The following CA10 variants were observed in gnomAD, a reference collection of about 807,000 sequenced individuals.
The protein encoded by CA10 is carbonic anhydrase 10 (inactive).
A neutral mutation model predicts 44.2 loss-of-function variants in CA10; 14 were observed. That is an observed-to-expected ratio of 0.32 (90% CI 0.21 to 0.50). The LOEUF is 0.50. CA10 is among the 20% of genes least tolerant of loss of function. The pLI, the probability that CA10 is intolerant of heterozygous loss-of-function variation, is 0.99. For missense variants in CA10, 350 were observed against 409.7 expected, an observed-to-expected ratio of 0.85 and a Z score of 1.26; for synonymous variants, 159 against 141.6, an observed-to-expected ratio of 1.12 and a Z score of -0.87.
intron 2 of CA10, among the ~76,000 whole-genome samples, chr17:51,956,869 A>G (rs1983686908): frequency 6.6e-6 from 1 of 152,082 alleles, no homozygotes; most frequent in East Asian, 1.9e-4. Flanking sequence ...GGAACTACAC[A>G]TGCTACAGGG....
chr17:52,105,535 C>A (rs1988643850), intron 1 of CA10, among the ~76,000 whole-genome samples: 1 of 152,218 alleles, frequency 6.6e-6, no homozygotes, highest in African/African-American at 2.4e-5. Context: ...AGCCACCACA[C>A]CTGGCCTCAA....
chr17:51,656,035 G>A (rs1011546879), intron 4 of CA10, among the ~76,000 whole-genome samples: 4 of 152,148 alleles, frequency 2.6e-5, no homozygotes, highest in African/African-American at 4.8e-5. Context: ...GAAGAACCAG[G>A]GACTGGGGGG....
intron 5 of CA10, among the ~76,000 whole-genome samples, chr17:51,650,501 A>G (rs893617544): frequency 1.3e-5 from 2 of 152,118 alleles, no homozygotes; most frequent in African/African-American, 4.8e-5. Context: ...TTGTGGTGAG[A>G]CACACACCAA....
At chr17:51,885,390 G>T (rs1386651040) in intron 3 of CA10, among the ~76,000 whole-genome samples, 2 of 152,082 alleles carry the variant, frequency 1.3e-5, no homozygotes, top group Non-Finnish European at 2.9e-5. Flanking sequence ...ACTTCCCTCA[G>T]TATCTCCTGT....
intron 4 of CA10, among the ~76,000 whole-genome samples, chr17:51,723,821 C>T (rs1223849931): frequency 6.6e-6 from 1 of 152,232 alleles, no homozygotes; most frequent in Non-Finnish European, 1.5e-5. Flanking sequence ...TCTTTTCCAT[C>T]TGTCCTCACA....
chr17:51,669,162 C>T (rs574311479), intron 4 of CA10, among the ~76,000 whole-genome samples: 13 of 152,350 alleles, frequency 8.5e-5, no homozygotes, highest in East Asian at 3.9e-4. Flanking sequence ...CTCTGCCGGG[C>T]GGCCCAGTGT....
intron 4 of CA10, among the ~76,000 whole-genome samples, chr17:51,732,522 G>A (rs1320885783): frequency 2.0e-5 from 3 of 152,194 alleles, no homozygotes; most frequent in Non-Finnish European, 2.9e-5. Flanking sequence ...AGGCTGATCT[G>A]AATAGAACTG....
intron 4 of CA10, among the ~76,000 whole-genome samples, chr17:51,670,791 C>T (rs1037694312): frequency 6.6e-6 from 1 of 152,142 alleles, no homozygotes; most frequent in Non-Finnish European, 1.5e-5. Flanking sequence ...CAAAAATCGA[C>T]GTATGAGAAC....
chr17:51,927,980 T>A (rs1461027294), intron 3 of CA10, among the ~76,000 whole-genome samples: 2 of 152,064 alleles, frequency 1.3e-5, no homozygotes, highest in African/African-American at 4.8e-5. Context: ...AAGGTAGGAG[T>A]CTTATATCTA....
chr17:51,683,548 A>G (rs1289910679), intron 4 of CA10, among the ~76,000 whole-genome samples: 1 of 152,188 alleles, frequency 6.6e-6, no homozygotes, highest in African/African-American at 2.4e-5. Flanking sequence ...TGGAGTTGAT[A>G]CCCCAATTAT....
At chr17:51,997,240 G>T (rs1363388854) in intron 2 of CA10, among the ~76,000 whole-genome samples, 1 of 151,934 alleles carries the variant, frequency 6.6e-6, no homozygotes, top group Non-Finnish European at 1.5e-5. Flanking sequence ...TTATTTGTTG[G>T]CTATATTTTT....
At chr17:52,026,495 T>C (rs1598173428) in intron 2 of CA10, among the ~76,000 whole-genome samples, 1 of 152,130 alleles carries the variant, frequency 6.6e-6, no homozygotes, top group Non-Finnish European at 1.5e-5. Flanking sequence ...CCCAACTGTA[T>C]TGGTCTGTTC....
chr17:51,817,564 G>A (rs992551822), intron 3 of CA10, among the ~76,000 whole-genome samples: 2 of 152,140 alleles, frequency 1.3e-5, no homozygotes, highest in Admixed American at 6.5e-5. Flanking sequence ...TGCCACCTAC[G>A]AACACTGGGC....
chr17:51,762,937 C>CT (rs1410416956), intron 3 of CA10: 1 of 152,190 alleles, frequency 6.6e-6, no homozygotes, highest in Non-Finnish European at 1.5e-5. Context: ...TCGAGGCAAG[C>CT]CCCCACTCTT....
At chr17:51,933,200 A>G (rs189234276) in intron 2 of CA10, among the ~76,000 whole-genome samples, 3 of 152,276 alleles carry the variant, frequency 2.0e-5, no homozygotes, top group East Asian at 1.9e-4. Flanking sequence ...TGAATATGCT[A>G]TCTTAGATGG....
In CA10 at chr17:51,742,651, GAGAGAGAAAGCA is replaced by G. The variant is rs779764913; in HGVS notation, c.465+4970_465+4981del. Among the ~76,000 whole-genome samples the G allele has an allele frequency of 7.0e-4, 106 of 152,302 alleles. 1 individual carries two copies. The South Asian group carries it at 0.021, about 30-fold the overall frequency. ...TTTCTGATTCAGAGCCACTGAGAGA[GAGAGAGAAAGCA>G]AGAGAGAAAGCCCCATATTTTACAT... On this transcript the variant is annotated intron_variant, in intron 4 of 8. Transcript: ENST00000451037.
At chr17:51,894,340 T>C (rs1044515271) in intron 3 of CA10, among the ~76,000 whole-genome samples, 1 of 152,044 alleles carries the variant, frequency 6.6e-6, no homozygotes, top group Non-Finnish European at 1.5e-5. Context: ...CTGAATAAAC[T>C]GGTGAATCAT....
At chr17:51,741,503 G>A (rs1598020920) in intron 4 of CA10, among the ~76,000 whole-genome samples, 1 of 152,084 alleles carries the variant, frequency 6.6e-6, no homozygotes, top group Admixed American at 6.6e-5. Flanking sequence ...AGTTAAATGG[G>A]GCTGTATATT....
intron 1 of CA10, among the ~76,000 whole-genome samples, chr17:52,103,462 C>G (rs1444828330): frequency 1.3e-5 from 2 of 152,198 alleles, no homozygotes; most frequent in Non-Finnish European, 1.5e-5. Flanking sequence ...TTCTTGCTCC[C>G]CCACAGGGAG....
Sources: allele counts gnomAD v4.1 joint callset (sites outside exome capture counted in the v4.1 genomes callset), GRCh38; gene constraint gnomAD v4.1.1; transcripts MANE v1.5; gene names NCBI Gene and HGNC (gene_info 2026-07-23, HGNC 2026-07-21).